TBC1D1: variants seen among roughly 807,000 people sequenced by gnomAD.
The protein encoded by TBC1D1 is TBC1 (tre-2/USP6, BUB2, cdc16) domain family, member 1.
A neutral mutation model predicts 125.6 loss-of-function variants in TBC1D1; 89 were observed. The ratio of observed to expected loss-of-function variants is 0.71; its 90% confidence interval spans 0.60 to 0.85. TBC1D1 has a LOEUF of 0.85. Among genes scored for constraint, TBC1D1 ranks in the 40% least tolerant of loss-of-function variants. TBC1D1 has a pLI of 0.00. For synonymous variants in TBC1D1, 565 were observed against 564.1 expected (o/e 1.00, Z -0.02); for missense variants, 1,377 against 1,469.2 (o/e 0.94, Z 1.03).
chr4:38,079,076 G>C lies in TBC1D1; in HGVS notation c.2051-10856G>C, dbSNP rs570024699. ...ACAGCCCGGAGTACCCTGGGCTGAG[G>C]AGGCCAGGGCTGGAGGGGAGGCTCC... On this transcript the variant is annotated intron_variant, in intron 12 of 19. Coordinates refer to ENST00000261439, the MANE Select transcript of TBC1D1 (RefSeq NM_015173.4). Among the ~76,000 whole-genome samples, 250 of 150,996 alleles carry C rather than the reference G, an allele frequency of 1.7e-3. 2 individuals carry two copies. The highest frequency in any genetic ancestry group is 4.4e-3 in the East Asian group (22 of 5,008).
intron 2 of TBC1D1, among the ~76,000 whole-genome samples, chr4:37,940,340 A>G (rs1269547516): frequency 1.3e-5 from 2 of 152,328 alleles, no homozygotes; most frequent in South Asian, 4.1e-4. Context: ...TTATCGGTGT[A>G]TAAGAATGCT....
chr4:38,061,992 TC>T lies in TBC1D1; in HGVS notation c.2050+7655del, dbSNP rs1752852384. Among the ~76,000 whole-genome samples, 3 of 152,212 alleles carry T rather than the reference TC, an allele frequency of 2.0e-5. No homozygotes were observed. In the South Asian group the frequency reaches 6.2e-4, roughly 32 times the overall value. On this transcript the variant is annotated intron_variant, in intron 12 of 19. Coordinates refer to ENST00000261439, the MANE Select transcript of TBC1D1 (RefSeq NM_015173.4). ...GCTGGAAAATACAAGCATAGTGACA[TC>T]TGTGCACCAAAAGCACCTGGGGAGA...
intron 2 of TBC1D1, among the ~76,000 whole-genome samples, chr4:37,962,095 G>A (rs1313725247): frequency 6.6e-6 from 1 of 152,226 alleles, no homozygotes; most frequent in African/African-American, 2.4e-5. Flanking sequence ...GACCATCTCT[G>A]TTTTGTTCAC....
chr4:38,135,832 G>T (rs1017653886), intron 19 of TBC1D1, among the ~76,000 whole-genome samples: 12 of 151,418 alleles, frequency 7.9e-5, no homozygotes, highest in Non-Finnish European at 1.5e-4. Context: ...TTCTTTGTTT[G>T]AAAAATGAAA....
At chr4:38,113,322 A>G (rs1250318876) in intron 15 of TBC1D1, among the ~76,000 whole-genome samples, 5 of 152,122 alleles carry the variant, frequency 3.3e-5, no homozygotes, top group Admixed American at 3.3e-4. Context: ...GCCAATTAGC[A>G]TAGGTCACTC....
At chr4:38,094,130 G>T (rs529475573) in intron 13 of TBC1D1, among the ~76,000 whole-genome samples, 1 of 152,034 alleles carries the variant, frequency 6.6e-6, no homozygotes, top group Admixed American at 6.5e-5. Flanking sequence ...TCATTTAATT[G>T]CTGAGCCTCC....
At chr4:37,923,542 G>C (rs1039763300) in intron 2 of TBC1D1, among the ~76,000 whole-genome samples, 1 of 152,116 alleles carries the variant, frequency 6.6e-6, no homozygotes, top group African/African-American at 2.4e-5. Flanking sequence ...ATTGGAGCTG[G>C]AAGTCTCCCT....
intron 15 of TBC1D1, among the ~76,000 whole-genome samples, chr4:38,104,287 A>G (rs1024687487): frequency 6.6e-6 from 1 of 152,044 alleles, no homozygotes; most frequent in Non-Finnish European, 1.5e-5. Context: ...CCTGCAACCT[A>G]TCCCCCGAGG....
Position 38,138,922 on chromosome 4 carries a change from C to G in TBC1D1, c.*1587C>G, listed in dbSNP as rs1369985363. 1 of 152,622 alleles carries G rather than the reference C, an allele frequency of 6.6e-6. No homozygotes were observed. Among genetic ancestry groups the G allele is most frequent in the African/African-American group, 2.4e-5 (1 of 41,444 alleles). The allele number at this position is 152,622 out of a possible 1,614,324, so 9.5% of individuals were successfully genotyped here. On this transcript the variant is annotated 3_prime_UTR_variant, in exon 20 of 20. Transcript: ENST00000261439. ...AGGTGGCTGGCATTCGAGACTTCCTCCTGTTCCCTGGGTCAGAGGATAGCG... is the reference window on the plus strand; with the variant it reads ...AGGTGGCTGGCATTCGAGACTTCCTGCTGTTCCCTGGGTCAGAGGATAGCG...
rs764691916 is a variant in TBC1D1, at chr4:38,014,965, C to T, written c.874C>T (p.Leu292Phe). Residue 292 changes from leucine to phenylalanine, a missense_variant, in exon 3 of 20, where the codon CTC (leucine) becomes TTC (phenylalanine). Physicochemically the swap from Leu to Phe is conservative, Grantham distance 22. Around this residue, in one of 3 missense-constraint regions of TBC1D1, gnomAD observed 822 missense variants for 824.6 expected, o/e 1.00. Transcript: ENST00000261439. This position sits in a 1 kb window ranked among gnomAD's most constrained non-coding sequence, Gnocchi z 5.1. ...AGATATCGAGGAAAATCGAACTATGCTCTTCACGGTAAAATATCACCCAGC... is the reference window on the plus strand; with the variant it reads ...AGATATCGAGGAAAATCGAACTATGTTCTTCACGGTAAAATATCACCCAGC... 5.5e-5 allele frequency: 85 copies of T among 1,535,128 alleles called. No individual in the cohort carries two copies. Among genetic ancestry groups the T allele is most frequent in the Non-Finnish European group, 7.1e-5 (81 of 1,138,428 alleles).
chr4:38,135,415 T>C (rs1289611784), intron 19 of TBC1D1, among the ~76,000 whole-genome samples: 1 of 152,228 alleles, frequency 6.6e-6, no homozygotes, highest in African/African-American at 2.4e-5. Flanking sequence ...ACGCCCACAC[T>C]GAGCCAGGTG....
intron 15 of TBC1D1, among the ~76,000 whole-genome samples, chr4:38,114,434 A>T (rs1461732874): frequency 6.6e-6 from 1 of 152,248 alleles, no homozygotes; most frequent in African/African-American, 2.4e-5. Flanking sequence ...GGAAGAGCCC[A>T]TGAAAATATG....
At chr4:38,098,669 A>G (rs1028716495) in intron 14 of TBC1D1, among the ~76,000 whole-genome samples, 2 of 152,242 alleles carry the variant, frequency 1.3e-5, no homozygotes, top group Non-Finnish European at 2.9e-5. Context: ...AAGATTTAAC[A>G]ACTCCAAACA....
At chr4:38,080,097 G>T (rs1304064462) in intron 12 of TBC1D1, among the ~76,000 whole-genome samples, 2 of 152,190 alleles carry the variant, frequency 1.3e-5, no homozygotes, top group Non-Finnish European at 2.9e-5. Flanking sequence ...CTCGTGTGGG[G>T]ACCACATTTT....
chr4:38,087,217 G>A (rs1317362618), intron 12 of TBC1D1, among the ~76,000 whole-genome samples: 6 of 152,154 alleles, frequency 3.9e-5, no homozygotes, highest in Non-Finnish European at 5.9e-5. Flanking sequence ...CACAGTTGTC[G>A]TCCCCAAACA....
At chr4:38,056,515 G>A (rs980062095) in intron 12 of TBC1D1, among the ~76,000 whole-genome samples, 9 of 152,136 alleles carry the variant, frequency 5.9e-5, no homozygotes, top group African/African-American at 2.2e-4. Context: ...TTTAAATTTG[G>A]ACTGGTTTCC....
intron 2 of TBC1D1, among the ~76,000 whole-genome samples, chr4:37,993,578 C>CTTTA (rs1016812726): frequency 1.1e-4 from 17 of 148,998 alleles, no homozygotes; most frequent in Non-Finnish European, 2.4e-4. Flanking sequence ...AACAACAAAG[C>CTTTA]TTTATTTATT....
At chr4:37,975,175 G>C (rs1168758214) in intron 2 of TBC1D1, among the ~76,000 whole-genome samples, 1 of 152,192 alleles carries the variant, frequency 6.6e-6, no homozygotes, top group Non-Finnish European at 1.5e-5. Context: ...TCCAATGATA[G>C]GTAAGGTCAC....
In TBC1D1 at chr4:37,902,331, C is replaced by T. The variant is rs749470558; in HGVS notation, c.236C>T (p.Pro79Leu). The change falls in exon 2 of 20, where the codon CCA becomes CTA. Residue 79 changes from proline (P) to leucine (L), a missense_variant. Pro to Leu is a moderately conservative substitution (Grantham distance 98). Transcript: ENST00000261439. ...TCTGGACTGAGATGTGAACCTGAGC[C>T]AGGGAGAAGTCAACAGTGGGATCCC... is the stretch of plus-strand genomic sequence containing the variant. 6 of 1,614,018 alleles carry T rather than the reference C, an allele frequency of 3.7e-6. No individual in the cohort carries two copies. The African/African-American group carries it at 5.3e-5, about 14-fold the overall frequency.
Sources: gnomAD v4.1 joint callset for allele counts (sites outside exome capture counted in the v4.1 genomes callset) on GRCh38, gnomAD v4.1.1 for gene constraint, gnomAD v4.1.1 regional missense constraint, Gnocchi (gnomAD v3.1) non-coding constraint, MANE v1.5 for transcripts, NCBI Gene and HGNC (gene_info 2026-07-23, HGNC 2026-07-21) for gene names.